Variants in STAG1 observed in about 807,000 individuals in gnomAD.
STAG1 encodes the protein STAG1 cohesin complex component.
Under a neutral mutation model 170.9 loss-of-function variants are expected in STAG1, and 26 were observed. That is an observed-to-expected ratio of 0.15 (90% confidence interval 0.11 to 0.21). The LOEUF is 0.21. Ranked by LOEUF, STAG1 falls within the 10% of genes least tolerant of loss-of-function variation. The pLI is 1.00. For synonymous variants in STAG1, 514 were observed against 497.7 expected (o/e 1.03, Z -0.44); for missense variants, 964 against 1,509.5 (o/e 0.64, Z 5.99).
Position 136,358,640 on chromosome 3 carries a change from T to C in STAG1, c.2936+508A>G, listed in dbSNP as rs182814370. ...TCCAGGCTGGAGGGCAGTGGTACAATCATAGCTCACTATAACCTCAAACTC... is the reference window on the plus strand; with the variant it reads ...TCCAGGCTGGAGGGCAGTGGTACAACCATAGCTCACTATAACCTCAAACTC... On this transcript the variant is annotated intron_variant, in intron 27 of 33. Transcript: ENST00000383202. Among the ~76,000 whole-genome samples, 508 of 152,298 alleles carry C rather than the reference T, an allele frequency of 3.3e-3. 4 individuals carry two copies. The highest frequency in any genetic ancestry group is 0.01 in the African/African-American group (423 of 41,556).
At chr3:136,507,555 T>TG (rs1208104069) in intron 7 of STAG1, among the ~76,000 whole-genome samples, 7 of 152,056 alleles carry the variant, frequency 4.6e-5, no homozygotes, top group South Asian at 2.1e-4. Context: ...TTTGTAGAGA[T>TG]GGGGGTCCCA....
chr3:136,469,689 C>T (rs899431962), intron 12 of STAG1, among the ~76,000 whole-genome samples: 8 of 152,118 alleles, frequency 5.3e-5, no homozygotes, highest in Non-Finnish European at 1.2e-4. Context: ...CAATCCTAAG[C>T]CAAAAGAACA....
intron 1 of STAG1, among the ~76,000 whole-genome samples, chr3:136,650,236 GAAAA>G (rs574918766): frequency 1.5e-4 from 9 of 60,002 alleles, no homozygotes; most frequent in African/African-American, 5.7e-4. Context: ...ACCCTGTCAA[GAAAA>G]AAAAAAAAAA....
chr3:136,459,675 C>A (rs2089220920), intron 13 of STAG1, among the ~76,000 whole-genome samples: 1 of 151,920 alleles, frequency 6.6e-6, no homozygotes, highest in Non-Finnish European at 1.5e-5. Flanking sequence ...TCTTTTTTAA[C>A]CATAATGCAA....
chr3:136,430,806 G>GACAC (rs35492621), intron 16 of STAG1, among the ~76,000 whole-genome samples: 10,850 of 130,938 alleles, frequency 0.083, 503 homozygotes, highest in Middle Eastern at 0.1. Context: ...GACATAGACA[G>GACAC]ACACACACAC....
chr3:136,402,233 G>A (rs781136674), intron 21 of STAG1, among the ~76,000 whole-genome samples: 2 of 151,036 alleles, frequency 1.3e-5, no homozygotes, highest in East Asian at 4.0e-4. Context: ...AATTTTTTTG[G>A]GGGGGACAGA....
At chr3:136,737,047 G>A in intron 1 of STAG1, 1 of 1,399,564 alleles carries the variant, frequency 7.1e-7, no homozygotes, top group East Asian at 2.3e-5. Flanking sequence ...TGTAACTTCA[G>A]GATCTGAAGA....
chr3:136,684,560 G>A (rs1046204960), intron 1 of STAG1, among the ~76,000 whole-genome samples: 3 of 152,100 alleles, frequency 2.0e-5, no homozygotes, highest in Non-Finnish European at 4.4e-5. Context: ...GACCAGCCTG[G>A]TCAACATGGT....
At chr3:136,617,492 T>TTG (rs2107824372) in intron 3 of STAG1, among the ~76,000 whole-genome samples, 1 of 152,302 alleles carries the variant, frequency 6.6e-6, no homozygotes, top group African/African-American at 2.4e-5. Context: ...CTTCAGCCCA[T>TTG]TACAGATAAG....
At chr3:136,438,736 C>T (rs903290662) in intron 15 of STAG1, among the ~76,000 whole-genome samples, 6 of 151,950 alleles carry the variant, frequency 3.9e-5, no homozygotes, top group East Asian at 1.9e-4. Flanking sequence ...TAACACTATA[C>T]GCTCAGCACT....
rs145788374 is a variant in STAG1, at chr3:136,417,983, CA to C, written c.2109-12del. 6.3e-7 allele frequency: 1 copy of C among 1,587,384 alleles called. No homozygotes were observed. Among genetic ancestry groups the C allele is most frequent in the Non-Finnish European group, 8.6e-7 (1 of 1,156,678 alleles). ...GTGAGATCATGTGCACTGAAATAAA[CA>C]AAAATGCATCTGTTTTATTCTAGAA... is the stretch of plus-strand genomic sequence containing the variant. On this transcript the variant is annotated splice_polypyrimidine_tract_variant and intron_variant, in intron 20 of 33. Coordinates refer to ENST00000383202, the MANE Select transcript of STAG1 (RefSeq NM_005862.3).
chr3:136,635,618 G>C (rs1231469847), intron 1 of STAG1, among the ~76,000 whole-genome samples: 1 of 152,118 alleles, frequency 6.6e-6, no homozygotes, highest in Non-Finnish European at 1.5e-5. Flanking sequence ...CCTGGCTAAT[G>C]CGACAAGAGA....
chr3:136,691,085 C>G (rs891822925), intron 1 of STAG1, among the ~76,000 whole-genome samples: 1 of 151,678 alleles, frequency 6.6e-6, no homozygotes, highest in Non-Finnish European at 1.5e-5. Flanking sequence ...AACACTTGAG[C>G]CCAGGAGTTC....
chr3:136,718,567 C>G (rs1201738897), intron 1 of STAG1, among the ~76,000 whole-genome samples: 1 of 152,076 alleles, frequency 6.6e-6, no homozygotes, highest in Admixed American at 6.6e-5. Context: ...GATTCTTCTT[C>G]TATGGTAACA....
chr3:136,498,192 T>TAAA (rs71157387), intron 9 of STAG1, among the ~76,000 whole-genome samples: 4 of 60,030 alleles, frequency 6.7e-5, no homozygotes, highest in Non-Finnish European at 9.0e-5. Context: ...AACTCCATCT[T>TAAA]AAAAAAAAAA....
intron 1 of STAG1, among the ~76,000 whole-genome samples, chr3:136,720,812 A>C (rs961065788): frequency 6.6e-6 from 1 of 152,002 alleles, no homozygotes; most frequent in African/African-American, 2.4e-5. Context: ...AAAGAAAAAG[A>C]AAAGAAATCT....
intron 9 of STAG1, among the ~76,000 whole-genome samples, chr3:136,495,828 G>A (rs991312173): frequency 7.2e-5 from 11 of 151,970 alleles, no homozygotes; most frequent in Non-Finnish European, 1.3e-4. Context: ...AATTAGCCAG[G>A]CATGGTGGCA....
intron 9 of STAG1, among the ~76,000 whole-genome samples, chr3:136,497,642 C>G (rs2107856776): frequency 6.6e-6 from 1 of 151,158 alleles, no homozygotes. Flanking sequence ...AGATCGAGAC[C>G]ACCCTGGCTA....
At chr3:136,495,349 T>C (rs67305360) in intron 9 of STAG1, among the ~76,000 whole-genome samples, 11,861 of 151,984 alleles carry the variant, frequency 0.078, 488 homozygotes, top group Non-Finnish European at 0.094. Context: ...TGATTAAACT[T>C]CGAAAATAAA....
Sources: allele counts gnomAD v4.1 joint callset (sites outside exome capture counted in the v4.1 genomes callset), GRCh38; gene constraint gnomAD v4.1.1; transcripts MANE v1.5; gene names NCBI Gene and HGNC (gene_info 2026-07-23, HGNC 2026-07-21).